Variants in ZNF324B observed in about 807,000 individuals in gnomAD.
ZNF324B encodes the protein zinc finger protein 324B.
In ZNF324B, 7 loss-of-function variants were observed where a neutral mutation model predicts 10.6. The ratio of observed to expected loss-of-function variants is 0.66; its 90% confidence interval spans 0.38 to 1.24. The LOEUF (loss-of-function observed/expected upper bound fraction) is 1.24. Ranked by LOEUF, ZNF324B falls within the 50% of genes most tolerant of loss-of-function variation. ZNF324B has a pLI of 0.02. For missense variants in ZNF324B, 640 were observed against 764.7 expected (o/e 0.84, Z 1.92); for synonymous variants, 316 against 321.0 (o/e 0.98, Z 0.17).
chr19:58,442,514 C>CATCAGATG, the ZNF324B span: 9 of 153,340 alleles, frequency 5.9e-5, no homozygotes, highest in Non-Finnish European at 1.4e-5. Context: ...GAGTTTGTTC[C>CATCAGATG]TTCAGATGTT....
At chr19:58,451,742 C>G (rs563232211) in intron 1 of ZNF324B, 38 bp downstream of exon 1, 204 of 438,012 alleles carry the variant, frequency 4.7e-4, no homozygotes, top group South Asian at 1.9e-3. Context: ...CCCCAAGCCT[C>G]GGTATCTTCG....
chr19:58,419,432 G>C, the ZNF324B span: 1 of 152,212 alleles, frequency 6.6e-6, no homozygotes, highest in Non-Finnish European at 1.5e-5. Flanking sequence ...ATGGAGTGAA[G>C]TGTCTGATAA....
At chr19:58,423,856 A>G in the ZNF324B span, among the ~76,000 whole-genome samples, 4 of 152,194 alleles carry the variant, frequency 2.6e-5, no homozygotes, top group Admixed American at 1.3e-4. Context: ...AGATATCCAT[A>G]TGAATGAAAC....
At chr19:58,432,506 C>T in the ZNF324B span, among the ~76,000 whole-genome samples, 3 of 152,196 alleles carry the variant, frequency 2.0e-5, no homozygotes, top group African/African-American at 7.2e-5. Flanking sequence ...ACATAGAGTC[C>T]TCCATGGACC....
At chr19:58,423,196 G>C in the ZNF324B span, among the ~76,000 whole-genome samples, 1 of 151,600 alleles carries the variant, frequency 6.6e-6, no homozygotes, top group Non-Finnish European at 1.5e-5. Context: ...GTCTTGCTCT[G>C]TCGCCCAGGC....
the ZNF324B span, among the ~76,000 whole-genome samples, chr19:58,425,295 G>C: frequency 6.6e-6 from 1 of 151,978 alleles, no homozygotes; most frequent in East Asian, 1.9e-4. Context: ...TATTGCCCAG[G>C]CTGGTCTTAA....
At chr19:58,450,755 A>G (rs1426888165), upstream of ZNF324B, among the ~76,000 whole-genome samples, 2 of 152,218 alleles carry the variant, frequency 1.3e-5, no homozygotes, top group East Asian at 3.8e-4. Context: ...CTGTCTAAGG[A>G]TCCTAAAAAC....
chr19:58,441,546 G>C, the ZNF324B span: 2 of 152,282 alleles, frequency 1.3e-5, no homozygotes, highest in Non-Finnish European at 2.9e-5. Context: ...AATAGAGGTT[G>C]GCAGTTGGCA....
chr19:58,427,402 C>CT, the ZNF324B span, among the ~76,000 whole-genome samples: 1 of 44,280 alleles, frequency 2.3e-5, no homozygotes, highest in Non-Finnish European at 4.1e-5. Flanking sequence ...TTCTTTCTTT[C>CT]TTTCCTTCCT....
the ZNF324B span, chr19:58,440,140 A>G: frequency 2.6e-6 from 1 of 381,872 alleles, no homozygotes; most frequent in Non-Finnish European, 4.7e-6. Flanking sequence ...CAGCAGCAAA[A>G]TGAGGACCGC....
chr19:58,420,814 T>G, the ZNF324B span, among the ~76,000 whole-genome samples: 1 of 151,702 alleles, frequency 6.6e-6, no homozygotes, highest in South Asian at 2.1e-4. Flanking sequence ...GTCAAGTGAT[T>G]CTCATACCTC....
At chr19:58,454,537 G>T (rs1388130661) in intron 3 of ZNF324B, 193 bp downstream of exon 3, 3 of 592,066 alleles carry the variant, frequency 5.1e-6, no homozygotes. Flanking sequence ...GGGCACAGGA[G>T]CTGGGTTCAC....
the ZNF324B span, chr19:58,437,790 G>A: frequency 2.0e-6 from 2 of 985,416 alleles, no homozygotes; most frequent in Non-Finnish European, 2.4e-6. Flanking sequence ...AAACCCCACT[G>A]CAAGAGGCAG....
At chr19:58,436,259 TA>T in the ZNF324B span, 1 of 154,272 alleles carries the variant, frequency 6.5e-6, no homozygotes, top group Non-Finnish European at 1.5e-5. Flanking sequence ...GAAAACATGC[TA>T]AAATTACATT....
the ZNF324B span, chr19:58,439,940 C>T: frequency 3.8e-6 from 4 of 1,058,880 alleles, no homozygotes; most frequent in Middle Eastern, 2.6e-4. Context: ...CTCTGGGCAC[C>T]GCAGGGACGA....
At chr19:58,421,923 G>C in the ZNF324B span, among the ~76,000 whole-genome samples, 1 of 151,748 alleles carries the variant, frequency 6.6e-6, no homozygotes, top group African/African-American at 2.4e-5. Context: ...AATGTCACTA[G>C]GTTTTGTTGT....
At chr19:58,445,301 A>C in the ZNF324B span, 1 of 448,846 alleles carries the variant, frequency 2.2e-6, no homozygotes, top group Non-Finnish European at 4.3e-6. Context: ...AGCAATTTAC[A>C]GCATTGTGAG....
the ZNF324B span, among the ~76,000 whole-genome samples, chr19:58,427,077 C>T: frequency 5.3e-5 from 8 of 152,248 alleles, no homozygotes; most frequent in Non-Finnish European, 7.4e-5. Flanking sequence ...AGTAGAAACA[C>T]GTAGGACTCT....
upstream of ZNF324B, among the ~76,000 whole-genome samples, chr19:58,449,449 G>T (rs2052840916): frequency 6.6e-6 from 1 of 152,164 alleles, no homozygotes; most frequent in Admixed American, 6.5e-5. Context: ...CTCCAGAATG[G>T]TAGATACAAC....
Sources: allele counts gnomAD v4.1 joint callset (sites outside exome capture counted in the v4.1 genomes callset), GRCh38; gene constraint gnomAD v4.1.1; transcripts MANE v1.5; gene names NCBI Gene and HGNC (gene_info 2026-07-23, HGNC 2026-07-21).